The following HS6ST2 variants were observed in gnomAD, a reference collection of about 807,000 sequenced individuals.
The protein encoded by HS6ST2 is heparan sulfate 6-O-sulfotransferase 2.
A neutral mutation model predicts 33.0 loss-of-function variants in HS6ST2; 17 were observed. The observed-to-expected ratio is 0.52, with a 90% CI of 0.35 to 0.77. The LOEUF (loss-of-function observed/expected upper bound fraction) is 0.77, where lower values mean the gene tolerates loss of function less well. Ranked by LOEUF, HS6ST2 falls within the 30% of genes least tolerant of loss-of-function variation. The pLI, the probability that HS6ST2 is intolerant of heterozygous loss-of-function variation, is 0.01. For synonymous variants in HS6ST2, 248 were observed against 237.1 expected (o/e 1.05, Z -0.42); for missense variants, 519 against 551.7 (o/e 0.94, Z 0.59).
chrX:132,770,491 C>T (rs973852576), intron 2 of HS6ST2, among the ~76,000 whole-genome samples: 3 of 112,090 alleles, frequency 2.7e-5, no homozygotes, highest in African/African-American at 9.7e-5. Flanking sequence ...CCAGTTCACT[C>T]TTAGCCCTGT....
intron 2 of HS6ST2, among the ~76,000 whole-genome samples, chrX:132,918,661 G>A (rs931127252): frequency 9.0e-6 from 1 of 111,489 alleles, no homozygotes; most frequent in African/African-American, 3.3e-5. Flanking sequence ...CTCTTCCTGG[G>A]TGGTCTTAGT....
At chrX:132,955,739 C>T (rs2067062265) in intron 2 of HS6ST2, among the ~76,000 whole-genome samples, 1 of 112,219 alleles carries the variant, frequency 8.9e-6, no homozygotes, top group Non-Finnish European at 1.9e-5. Context: ...CCCCATAGCA[C>T]TCACTTCCCC....
intron 2 of HS6ST2, among the ~76,000 whole-genome samples, chrX:132,728,054 T>C (rs2064414198): frequency 1.8e-5 from 2 of 111,873 alleles, no homozygotes; most frequent in South Asian, 7.6e-4. Context: ...CTGATGGGCA[T>C]TGGGGTTGTT....
intron 2 of HS6ST2, among the ~76,000 whole-genome samples, chrX:132,755,448 AT>A (rs2064749370): frequency 9.0e-6 from 1 of 111,382 alleles, no homozygotes; most frequent in Non-Finnish European, 1.9e-5. Flanking sequence ...GAAAAACAGT[AT>A]TAGAAAACAA....
chrX:132,845,235 G>A (rs1224762228), intron 2 of HS6ST2, among the ~76,000 whole-genome samples: 1 of 109,511 alleles, frequency 9.1e-6, no homozygotes, highest in Non-Finnish European at 1.9e-5. Flanking sequence ...AAATTACATA[G>A]ATAAATATCA....
At chrX:132,721,006 G>A (rs2064323058) in intron 2 of HS6ST2, among the ~76,000 whole-genome samples, 1 of 111,710 alleles carries the variant, frequency 9.0e-6, no homozygotes, top group Non-Finnish European at 1.9e-5. Context: ...CCCACTTTCA[G>A]CATTGGATCT....
intron 4 of HS6ST2, among the ~76,000 whole-genome samples, chrX:132,650,263 C>T (rs1212349680): frequency 9.0e-6 from 1 of 111,352 alleles, no homozygotes; most frequent in African/African-American, 3.3e-5. Context: ...CTTGAGAAGT[C>T]AGTCCTATTT....
At chrX:132,794,555 G>GGATGACGAT (rs568161194) in intron 2 of HS6ST2, among the ~76,000 whole-genome samples, 2 of 92,258 alleles carry the variant, frequency 2.2e-5, no homozygotes, top group Admixed American at 1.2e-4. Flanking sequence ...CACCACTCCT[G>GGATGACGAT]GATGATGATG....
At chrX:132,799,020 G>A (rs1042842909) in intron 2 of HS6ST2, among the ~76,000 whole-genome samples, 10 of 111,865 alleles carry the variant, frequency 8.9e-5, no homozygotes, top group Non-Finnish European at 1.7e-4. Flanking sequence ...TATTAGAATA[G>A]CATTATTCCA....
In HS6ST2 at chrX:132,946,855, C is replaced by T. The variant is rs145228777; in HGVS notation, c.947+9953G>A. On this transcript the variant is annotated intron_variant, in intron 2 of 4. Coordinates refer to ENST00000370833, the MANE Select transcript of HS6ST2 (RefSeq NM_001394073.1). ...TGCACAGGACCTGTCTCAATAGGTA[C>T]CCCAAAATAGTAATAGATCTTCTTG... Among the ~76,000 whole-genome samples the T allele has an allele frequency of 4.9e-3, 545 of 111,748 alleles. 4 individuals carry two copies. Among genetic ancestry groups the T allele is most frequent in the East Asian group, 0.042 (148 of 3,535 alleles).
chrX:132,893,834 C>T (rs113076896), intron 2 of HS6ST2, among the ~76,000 whole-genome samples: 1,276 of 111,530 alleles, frequency 0.011, 8 homozygotes, highest in South Asian at 0.054. Flanking sequence ...ATACACAATC[C>T]TGAGCCTAAT....
chrX:132,788,429 A>C (rs767130884), intron 2 of HS6ST2, among the ~76,000 whole-genome samples: 1 of 111,304 alleles, frequency 9.0e-6, no homozygotes, highest in African/African-American at 3.3e-5. Context: ...TGCTCCACTA[A>C]CTAGCCATTC....
rs992618061 is a variant in HS6ST2, at chrX:132,792,624, A to G, written c.948-84130T>C. Among the ~76,000 whole-genome samples the G allele has an allele frequency of 2.7e-5, 3 of 112,005 alleles. 1 individual carries two copies. The highest frequency in any genetic ancestry group is 9.7e-5 in the African/African-American group (3 of 30,777). ...TAAGAACATTTTTAACACCTCAAAT[A>G]GAAACTTCATATCCTTTAACTATTA... On this transcript the variant is annotated intron_variant, in intron 2 of 4. Coordinates refer to ENST00000370833, the MANE Select transcript of HS6ST2 (RefSeq NM_001394073.1).
At chrX:132,641,455 T>C (rs2063600840) in intron 4 of HS6ST2, among the ~76,000 whole-genome samples, 1 of 112,408 alleles carries the variant, frequency 8.9e-6, no homozygotes, top group Non-Finnish European at 1.9e-5. Flanking sequence ...CAATATTTGG[T>C]TTTCTGTTCC....
At chrX:132,871,217 C>T (rs2066054100) in intron 2 of HS6ST2, among the ~76,000 whole-genome samples, 1 of 112,277 alleles carries the variant, frequency 8.9e-6, no homozygotes, top group African/African-American at 3.2e-5. Context: ...ATCAAAACCA[C>T]AACGAGATAC....
chrX:132,942,016 GAA>G (rs1254684409), intron 2 of HS6ST2, among the ~76,000 whole-genome samples: 1 of 111,626 alleles, frequency 9.0e-6, no homozygotes, highest in Non-Finnish European at 1.9e-5. Context: ...ACATGTTCAT[GAA>G]GTTTTTTATT....
At chrX:132,684,288 T>C (rs1005194507) in intron 3 of HS6ST2, among the ~76,000 whole-genome samples, 4 of 102,621 alleles carry the variant, frequency 3.9e-5, no homozygotes, top group Non-Finnish European at 7.9e-5. Context: ...CATATATATA[T>C]ACACGCACAC....
chrX:132,693,112 T>C (rs954511530), intron 3 of HS6ST2, among the ~76,000 whole-genome samples: 1 of 112,072 alleles, frequency 8.9e-6, no homozygotes, highest in African/African-American at 3.2e-5. Context: ...CCCTCCCACA[T>C]AGGTAAATGT....
chrX:132,665,822 G>A (rs868403653), intron 4 of HS6ST2, among the ~76,000 whole-genome samples: 1 of 110,136 alleles, frequency 9.1e-6, no homozygotes, highest in South Asian at 4.0e-4. Context: ...CTCCCTGAAA[G>A]TCATTTCCAG....
Sources: allele counts gnomAD v4.1 joint callset (sites outside exome capture counted in the v4.1 genomes callset), GRCh38; gene constraint gnomAD v4.1.1; transcripts MANE v1.5; gene names NCBI Gene and HGNC (gene_info 2026-07-23, HGNC 2026-07-21).